Variants in FAM114A1 observed in about 807,000 individuals in gnomAD.
The protein encoded by FAM114A1 is protein NOXP20.
A neutral mutation model predicts 64.3 loss-of-function variants in FAM114A1; 62 were observed. The ratio of observed to expected loss-of-function variants is 0.96; its 90% confidence interval spans 0.79 to 1.19. The LOEUF is 1.19. FAM114A1 is among the 50% of genes most tolerant of loss of function. FAM114A1 has a pLI of 0.00. For missense variants in FAM114A1, 645 were observed against 676.3 expected, an observed-to-expected ratio of 0.95 and a Z score of 0.51; for synonymous variants, 254 against 251.1, an observed-to-expected ratio of 1.01 and a Z score of -0.11.
At chr4:38,870,592 C>T (rs6824001) in intron 2 of FAM114A1, among the ~76,000 whole-genome samples, 38,722 of 152,094 alleles carry the variant, frequency 0.25, 5,517 homozygotes, top group African/African-American at 0.29. Context: ...TTATATGCCA[C>T]CCTTCCTCTC....
At position 38,914,906 on chromosome 4, in the gene FAM114A1, T is replaced by G. The variant is rs1206944689; in HGVS notation, c.793-15T>G. ...AAATGTACATCCAGAGTACAAACAT[T>G]GTGTATTTCTGCAGATGTTAAGGGA... On this transcript the variant is annotated splice_polypyrimidine_tract_variant and intron_variant, in intron 7 of 14. Coordinates refer to ENST00000358869, the MANE Select transcript of FAM114A1 (RefSeq NM_138389.4). 1.2e-6 allele frequency: 2 copies of G among 1,612,404 alleles called. No homozygotes were observed. Among genetic ancestry groups the G allele is most frequent in the East Asian group, 2.2e-5 (1 of 44,814 alleles).
intron 7 of FAM114A1, among the ~76,000 whole-genome samples, chr4:38,910,334 T>C (rs1473176497): frequency 6.6e-6 from 1 of 152,172 alleles, no homozygotes; most frequent in African/African-American, 2.4e-5. Flanking sequence ...AGTATCAGTG[T>C]GGCTTAGAAC....
chr4:38,904,935 T>G lies in FAM114A1; in HGVS notation c.437-587T>G, dbSNP rs115528820. Among the ~76,000 whole-genome samples, 1,243 of 152,228 alleles carry G rather than the reference T, an allele frequency of 8.2e-3. 19 individuals carry two copies. The highest frequency in any genetic ancestry group is 0.029 in the African/African-American group (1,188 of 41,536). ...AAACAGTGAAGCATCCGGGAGCACT[T>G]TACCTACGTGTATCTCATTTGCACG... On this transcript the variant is annotated intron_variant, in intron 4 of 14. Coordinates refer to ENST00000358869, the MANE Select transcript of FAM114A1 (RefSeq NM_138389.4).
intron 3 of FAM114A1, among the ~76,000 whole-genome samples, chr4:38,882,837 C>G (rs529362630): frequency 2.6e-5 from 4 of 152,338 alleles, no homozygotes; most frequent in East Asian, 1.9e-4. Flanking sequence ...ACATTTGCCT[C>G]AGGCAGCAAG....
At chr4:38,917,446 A>T (rs1317510412) in intron 8 of FAM114A1, among the ~76,000 whole-genome samples, 1 of 152,172 alleles carries the variant, frequency 6.6e-6, no homozygotes, top group Non-Finnish European at 1.5e-5. Context: ...GTGAAATGGG[A>T]ATAATAAAAT....
At chr4:38,875,262 G>T (rs1252123208) in intron 2 of FAM114A1, among the ~76,000 whole-genome samples, 1 of 152,016 alleles carries the variant, frequency 6.6e-6, no homozygotes, top group Non-Finnish European at 1.5e-5. Flanking sequence ...CATTGCTTTG[G>T]GTAGTATGGC....
chr4:38,932,332 A>G lies in FAM114A1; in HGVS notation c.1421A>G (p.Glu474Gly). The G allele has an allele frequency of 6.2e-7, 1 of 1,613,190 alleles. No homozygotes were observed. The highest frequency in any genetic ancestry group is 8.5e-7 in the Non-Finnish European group (1 of 1,179,842). The change falls in exon 12 of 15, where the codon GAA (glutamate) becomes GGA (glycine). Residue 474 changes from glutamate (E) to glycine (G), a missense_variant. Glu to Gly is a moderately conservative substitution (Grantham distance 98). Transcript: ENST00000358869. Reference sequence around the variant, plus strand: ...GCAGAATTAATTCTTCATGGACAAGAAGAGGAAAAACCAGCTCAGGACCAA... The same window carrying G: ...GCAGAATTAATTCTTCATGGACAAGGAGAGGAAAAACCAGCTCAGGACCAA... ...KVAELILHGQ[E>G]EEKPAQDQAK...
chr4:38,928,406 T>A (rs1226611843), intron 9 of FAM114A1, among the ~76,000 whole-genome samples: 1 of 152,220 alleles, frequency 6.6e-6, no homozygotes, highest in Admixed American at 6.5e-5. Context: ...AAAATAAGAT[T>A]GTAATCTTTA....
chr4:38,932,561 A>G (rs1720742317), intron 12 of FAM114A1, among the ~76,000 whole-genome samples, 187 bp downstream of exon 12: 1 of 152,124 alleles, frequency 6.6e-6, no homozygotes, highest in Non-Finnish European at 1.5e-5. Flanking sequence ...CAATGGCATG[A>G]TCATGACTCA....
intron 8 of FAM114A1, among the ~76,000 whole-genome samples, chr4:38,922,392 C>G (rs1038872178): frequency 2.6e-5 from 4 of 152,088 alleles, no homozygotes; most frequent in African/African-American, 9.7e-5. Flanking sequence ...AATAAGTTAC[C>G]GAAGGTCATA....
At chr4:38,903,375 T>C (rs946758807) in intron 4 of FAM114A1, among the ~76,000 whole-genome samples, 1 of 152,152 alleles carries the variant, frequency 6.6e-6, no homozygotes, top group African/African-American at 2.4e-5. Flanking sequence ...AGTTTCATTA[T>C]CTCCTGAAAC....
intron 4 of FAM114A1, among the ~76,000 whole-genome samples, chr4:38,900,341 C>T (rs187235916): frequency 6.6e-6 from 1 of 151,848 alleles, no homozygotes; most frequent in East Asian, 1.9e-4. Context: ...TACAACAGTT[C>T]CTCAAAAAAC....
intron 8 of FAM114A1, among the ~76,000 whole-genome samples, chr4:38,918,971 G>A (rs1335240123): frequency 6.6e-6 from 1 of 152,052 alleles, no homozygotes; most frequent in Non-Finnish European, 1.5e-5. Flanking sequence ...AGGCCAACAA[G>A]GCAAAACCCC....
chr4:38,907,664 A>G (rs1718154320), intron 6 of FAM114A1, among the ~76,000 whole-genome samples: 1 of 152,230 alleles, frequency 6.6e-6, no homozygotes. Context: ...AATAAAGTAT[A>G]TTAATTCTAT....
intron 6 of FAM114A1, among the ~76,000 whole-genome samples, chr4:38,908,029 A>G (rs1718187812): frequency 6.6e-6 from 1 of 152,208 alleles, no homozygotes; most frequent in Non-Finnish European, 1.5e-5. Context: ...TTTCATGGAT[A>G]TACTAATTAT....
chr4:38,875,014 T>G (rs1273562070), intron 2 of FAM114A1, among the ~76,000 whole-genome samples: 1 of 152,192 alleles, frequency 6.6e-6, no homozygotes, highest in African/African-American at 2.4e-5. Context: ...AGTTCTCTAT[T>G]CTGTTCTGTT....
intron 2 of FAM114A1, among the ~76,000 whole-genome samples, chr4:38,877,167 A>G (rs529383863): frequency 2.0e-4 from 31 of 152,202 alleles, no homozygotes; most frequent in Non-Finnish European, 4.0e-4. Flanking sequence ...GTGGAAGACA[A>G]TTTTCCCACA....
chr4:38,899,494 C>G (rs1036363969), intron 4 of FAM114A1, among the ~76,000 whole-genome samples: 2 of 152,148 alleles, frequency 1.3e-5, no homozygotes, highest in Admixed American at 1.3e-4. Flanking sequence ...GGAGAATGAG[C>G]ACTGTGATTC....
intron 3 of FAM114A1, among the ~76,000 whole-genome samples, chr4:38,882,775 T>C (rs778479859): frequency 2.6e-5 from 4 of 152,204 alleles, no homozygotes; most frequent in Non-Finnish European, 5.9e-5. Flanking sequence ...TATGCATATA[T>C]ATTTGTAAGT....
Sources: allele counts gnomAD v4.1 joint callset (sites outside exome capture counted in the v4.1 genomes callset), GRCh38; gene constraint gnomAD v4.1.1; transcripts MANE v1.5; gene names NCBI Gene and HGNC (gene_info 2026-07-23, HGNC 2026-07-21).